Variants in KDM2A observed in about 807,000 individuals in gnomAD.
KDM2A encodes the protein lysine-specific demethylase 2A.
KDM2A carries 3 observed loss-of-function variants against 137.3 expected under a neutral mutation model. The ratio of observed to expected loss-of-function variants is 0.02; its 90% CI spans 0.01 to 0.06. The LOEUF is 0.06. KDM2A is among the 10% of genes least tolerant of loss of function. KDM2A has a pLI of 1.00. For missense variants in KDM2A, 738 were observed against 1,510.6 expected (o/e 0.49, Z 8.48); for synonymous variants, 512 against 541.5 (o/e 0.95, Z 0.76).
chr11:67,123,077 C>G (rs1855635758), intron 2 of KDM2A, among the ~76,000 whole-genome samples: 1 of 152,028 alleles, frequency 6.6e-6, no homozygotes. Context: ...CTCAAGCAAT[C>G]TTCCATTCCA....
intron 8 of KDM2A, 186 bp from the exon 9 acceptor site, chr11:67,217,545 A>G: frequency 1.7e-6 from 1 of 602,956 alleles, no homozygotes; most frequent in Non-Finnish European, 2.9e-6. Context: ...GGATCAAGTG[A>G]AGGATAAGAA....
At chr11:67,124,333 A>G (rs1177263220) in intron 2 of KDM2A, among the ~76,000 whole-genome samples, 1 of 150,190 alleles carries the variant, frequency 6.7e-6, no homozygotes, top group Non-Finnish European at 1.5e-5. Flanking sequence ...ATTTTTTGAA[A>G]TGGAGACTCA....
chr11:67,185,994 A>G (rs1565394008), intron 5 of KDM2A, among the ~76,000 whole-genome samples: 1 of 152,144 alleles, frequency 6.6e-6, no homozygotes, highest in Non-Finnish European at 1.5e-5. Context: ...AAGAGCCTAA[A>G]GGAACATTTT....
At chr11:67,215,784 G>A in intron 7 of KDM2A, 72 bp from the exon 8 acceptor site, 1 of 1,068,330 alleles carries the variant, frequency 9.4e-7, no homozygotes, top group Non-Finnish European at 1.5e-6. Flanking sequence ...TAAGAGGAGA[G>A]TATGGCATTT....
intron 3 of KDM2A, among the ~76,000 whole-genome samples, 184 bp from the exon 4 acceptor site, chr11:67,181,136 A>G (rs1280942476): frequency 1.3e-5 from 2 of 151,964 alleles, no homozygotes; most frequent in Non-Finnish European, 2.9e-5. Flanking sequence ...TTGCTTCTCA[A>G]TGTGCTCTCC....
intron 2 of KDM2A, among the ~76,000 whole-genome samples, chr11:67,141,682 AAT>A (rs200949810): frequency 0.037 from 4,391 of 118,472 alleles, 144 homozygotes; most frequent in Middle Eastern, 0.058. Context: ...AAAAAAAAAA[AAT>A]ATATATATAT....
chr11:67,139,110 T>C (rs1389415576), intron 2 of KDM2A, among the ~76,000 whole-genome samples: 1 of 152,194 alleles, frequency 6.6e-6, no homozygotes, highest in Non-Finnish European at 1.5e-5. Context: ...TTAAGTCTTA[T>C]TTAAATAACC....
At chr11:67,182,466 T>A (rs1413849256) in intron 5 of KDM2A, among the ~76,000 whole-genome samples, 1 of 152,084 alleles carries the variant, frequency 6.6e-6, no homozygotes, top group African/African-American at 2.4e-5. Context: ...GTGGTGTTCA[T>A]TGTGGTCCTG....
At chr11:67,210,586 A>G (rs2136386632) in intron 6 of KDM2A, among the ~76,000 whole-genome samples, 1 of 152,260 alleles carries the variant, frequency 6.6e-6, no homozygotes, top group Admixed American at 6.5e-5. Flanking sequence ...GCGGAGAAGA[A>G]CCTATGAGAG....
At position 67,180,204 on chromosome 11, in the gene KDM2A, T is replaced by C. The variant is rs1484828122; in HGVS notation, c.168T>C (p.Phe56=). 4 of 1,613,644 alleles carry C rather than the reference T, an allele frequency of 2.5e-6. No individual in the cohort carries two copies. In the Admixed American group the frequency reaches 5.0e-5, roughly 20 times the overall value. ...AATATAATGCCAATTTTGTTACTTT[T>C]ATGGAAGGAAAAGGTCAGTATTGTT... ...TNKYNANFVT[F]MEGKDFNVEY... Residue 56 remains phenylalanine (F), a synonymous_variant, in exon 3 of 21, where the codon TTT becomes TTC. Coordinates refer to ENST00000529006, the MANE Select transcript of KDM2A (RefSeq NM_012308.3).
At chr11:67,220,187 T>C (rs1858302542) in intron 10 of KDM2A, among the ~76,000 whole-genome samples, 2 of 152,002 alleles carry the variant, frequency 1.3e-5, no homozygotes, top group African/African-American at 4.8e-5. Context: ...AATTTTTTTG[T>C]ATTTTTTGGA....
chr11:67,257,244 GTTTTTTGGGGTTTGGAAAAACA>G lies in KDM2A; in HGVS notation c.*2191_*2212del, dbSNP rs1261899188. 1 of 152,446 alleles carries G rather than the reference GTTTTTTGGGGTTTGGAAAAACA, an allele frequency of 6.6e-6. No homozygotes were observed. Among genetic ancestry groups the G allele is most frequent in the Non-Finnish European group, 1.5e-5 (1 of 68,010 alleles). 9.4% of individuals were successfully genotyped at this position (152,446 alleles called of 1,614,324 possible). On this transcript the variant is annotated 3_prime_UTR_variant, in exon 21 of 21. Transcript: ENST00000529006. Reference sequence around the variant, plus strand: ...CTTTTGGGTTTTGGTTTTTATGTTTGTTTTTTGGGGTTTGGAAAAACATGCATTTTTACCGTGCACGTAAATT... The same window carrying G: ...CTTTTGGGTTTTGGTTTTTATGTTTGTGCATTTTTACCGTGCACGTAAATT...
At chr11:67,220,644 A>G (rs1858317381) in intron 10 of KDM2A, among the ~76,000 whole-genome samples, 1 of 152,214 alleles carries the variant, frequency 6.6e-6, no homozygotes, top group African/African-American at 2.4e-5. Context: ...TTAATTTATT[A>G]TATACAATGG....
chr11:67,144,989 C>A (rs1280146313), intron 2 of KDM2A, among the ~76,000 whole-genome samples: 2 of 151,700 alleles, frequency 1.3e-5, no homozygotes, highest in Non-Finnish European at 2.9e-5. Flanking sequence ...CCTGCCTCAG[C>A]CTCTCAAGTT....
At chr11:67,157,313 G>A (rs1462860593) in intron 2 of KDM2A, among the ~76,000 whole-genome samples, 3 of 118,700 alleles carry the variant, frequency 2.5e-5, no homozygotes, top group East Asian at 2.5e-4. Context: ...CAAGACTCCC[G>A]TCTCAAAAAA....
At chr11:67,194,137 A>C (rs1857424885) in intron 5 of KDM2A, among the ~76,000 whole-genome samples, 1 of 152,138 alleles carries the variant, frequency 6.6e-6, no homozygotes, top group African/African-American at 2.4e-5. Context: ...CATGACTTTA[A>C]TCCTTTTGTT....
chr11:67,226,396 C>T (rs1026196174), intron 10 of KDM2A, among the ~76,000 whole-genome samples: 4 of 152,192 alleles, frequency 2.6e-5, no homozygotes, highest in Non-Finnish European at 4.4e-5. Flanking sequence ...ACTCCAAAGA[C>T]AGTTTTTATA....
chr11:67,248,213 A>G (rs1859307346), intron 15 of KDM2A, 68 bp from the exon 16 acceptor site: 1 of 1,152,178 alleles, frequency 8.7e-7, no homozygotes, highest in East Asian at 2.5e-5. Context: ...ACTCTTCCCA[A>G]CTGTGTTATT....
intron 2 of KDM2A, among the ~76,000 whole-genome samples, chr11:67,130,465 C>A (rs906725853): frequency 6.6e-6 from 1 of 152,112 alleles, no homozygotes; most frequent in Non-Finnish European, 1.5e-5. Flanking sequence ...CTGTTCTAAT[C>A]CTGTCCTAAA....
Sources: gnomAD v4.1 joint callset for allele counts (sites outside exome capture counted in the v4.1 genomes callset) on GRCh38, gnomAD v4.1.1 for gene constraint, MANE v1.5 for transcripts, NCBI Gene and HGNC (gene_info 2026-07-23, HGNC 2026-07-21) for gene names.